IQCM: variants seen among roughly 807,000 people sequenced by gnomAD.
IQCM encodes IQ domain-containing protein M.
A neutral mutation model predicts 57.6 loss-of-function variants in IQCM; 45 were observed. That is an observed-to-expected ratio of 0.78 (90% CI 0.62 to 1.00). The LOEUF is 1.00. Among genes scored for constraint, IQCM ranks in the 50% least tolerant of loss-of-function variants. IQCM has a pLI of 0.00. For missense variants in IQCM, 468 were observed against 511.6 expected (o/e 0.91, Z 0.82); for synonymous variants, 148 against 158.9 (o/e 0.93, Z 0.51).
chr4:149,475,526 T>C (rs1055725036), intron 12 of IQCM, among the ~76,000 whole-genome samples: 4 of 152,014 alleles, frequency 2.6e-5, no homozygotes, highest in African/African-American at 9.7e-5. Flanking sequence ...ATATACAGCA[T>C]ATAAATGATA....
At chr4:149,441,047 G>A (rs749996063) in intron 12 of IQCM, among the ~76,000 whole-genome samples, 2 of 152,192 alleles carry the variant, frequency 1.3e-5, no homozygotes, top group South Asian at 4.1e-4. Flanking sequence ...CTAGTTAAAA[G>A]AGACACAATA....
chr4:149,591,776 A>G (rs1753203181), intron 8 of IQCM, among the ~76,000 whole-genome samples: 2 of 152,288 alleles, frequency 1.3e-5, no homozygotes, highest in African/African-American at 2.4e-5. Context: ...TATAAAGGAC[A>G]TGAACTCATC....
chr4:149,638,401 A>G lies in IQCM; in HGVS notation c.566-17157T>C, dbSNP rs115959484. ...CTATGCTATGATCCAGCAATTGCAC[A>G]GCCAGGTATTAAAAAAATGAATACA... On this transcript the variant is annotated intron_variant, in intron 7 of 13. Coordinates refer to ENST00000636793, the MANE Select transcript of IQCM (RefSeq NM_001363507.2). 4.2e-3 allele frequency among the ~76,000 whole-genome samples: 634 copies of G among 152,240 alleles called. 11 individuals are homozygous for G. Among genetic ancestry groups the G allele is most frequent in the Middle Eastern group, 0.014 (4 of 294 alleles).
chr4:149,669,546 T>C (rs2150173943), intron 7 of IQCM, among the ~76,000 whole-genome samples: 1 of 152,306 alleles, frequency 6.6e-6, no homozygotes. Flanking sequence ...CATGAAGTCC[T>C]TGCCCATGCC....
At chr4:149,643,004 C>G (rs544703301) in intron 7 of IQCM, among the ~76,000 whole-genome samples, 2 of 151,630 alleles carry the variant, frequency 1.3e-5, no homozygotes, top group Non-Finnish European at 2.9e-5. Context: ...TCAGTACTGA[C>G]CTTTTTTAAA....
intron 12 of IQCM, among the ~76,000 whole-genome samples, chr4:149,503,658 A>G (rs1227422645): frequency 1.3e-5 from 2 of 152,126 alleles, no homozygotes; most frequent in Admixed American, 6.5e-5. Context: ...ATGCCAGTGA[A>G]CCACAGGAAA....
At chr4:149,453,818 A>G (rs573018921) in intron 12 of IQCM, among the ~76,000 whole-genome samples, 2 of 152,006 alleles carry the variant, frequency 1.3e-5, no homozygotes, top group South Asian at 2.1e-4. Flanking sequence ...TCGGTTCTTC[A>G]GTATGCTAAA....
At chr4:149,501,110 TC>T (rs564786668) in intron 12 of IQCM, among the ~76,000 whole-genome samples, 1 of 152,322 alleles carries the variant, frequency 6.6e-6, no homozygotes, top group African/African-American at 2.4e-5. Flanking sequence ...TGCGGTTACT[TC>T]CCTCTTCAGT....
At chr4:149,571,238 A>T (rs1006400945) in intron 9 of IQCM, among the ~76,000 whole-genome samples, 1 of 152,128 alleles carries the variant, frequency 6.6e-6, no homozygotes, top group African/African-American at 2.4e-5. Context: ...TATGGAATCA[A>T]CCTAAGTGTT....
chr4:149,682,535 T>C (rs892648588), intron 6 of IQCM, among the ~76,000 whole-genome samples: 10 of 151,100 alleles, frequency 6.6e-5, no homozygotes, highest in South Asian at 2.1e-4. Flanking sequence ...TTGAGTAGCA[T>C]GTTTTCCTAA....
chr4:149,564,667 T>C (rs1750440745), intron 9 of IQCM, among the ~76,000 whole-genome samples: 1 of 152,116 alleles, frequency 6.6e-6, no homozygotes, highest in African/African-American at 2.4e-5. Flanking sequence ...TAGGCTATAT[T>C]TTTCTTCCGT....
chr4:149,734,211 C>T (rs532072153), intron 4 of IQCM, among the ~76,000 whole-genome samples: 1 of 152,232 alleles, frequency 6.6e-6, no homozygotes, highest in East Asian at 1.9e-4. Flanking sequence ...CAAATTGTTG[C>T]TGACTCAAAA....
chr4:149,398,129 C>T (rs1732359206), intron 13 of IQCM, among the ~76,000 whole-genome samples: 1 of 151,920 alleles, frequency 6.6e-6, no homozygotes, highest in Non-Finnish European at 1.5e-5. Context: ...CCAGTTTTCC[C>T]AACACCTTTA....
intron 12 of IQCM, among the ~76,000 whole-genome samples, chr4:149,495,258 A>G (rs1332921650): frequency 1.3e-5 from 2 of 152,146 alleles, no homozygotes; most frequent in African/African-American, 2.4e-5. Flanking sequence ...ATCTACTGTG[A>G]CACAGAGACA....
intron 13 of IQCM, among the ~76,000 whole-genome samples, chr4:149,402,197 T>G (rs1440186296): frequency 1.3e-5 from 2 of 151,792 alleles, no homozygotes; most frequent in African/African-American, 4.8e-5. Flanking sequence ...TTCCACTGGC[T>G]CTCATTTTTC....
At chr4:149,664,360 T>C (rs1030876111) in intron 7 of IQCM, among the ~76,000 whole-genome samples, 9 of 152,142 alleles carry the variant, frequency 5.9e-5, no homozygotes, top group Non-Finnish European at 1.0e-4. Context: ...CATATGTCCC[T>C]GCTTTTTCAT....
chr4:149,522,265 C>A (rs1745731036), intron 12 of IQCM, among the ~76,000 whole-genome samples: 1 of 152,172 alleles, frequency 6.6e-6, no homozygotes, highest in African/African-American at 2.4e-5. Flanking sequence ...CAGATTGCCA[C>A]AGCTTAAAGT....
At chr4:149,670,178 G>C (rs989574165) in intron 7 of IQCM, among the ~76,000 whole-genome samples, 19 of 152,122 alleles carry the variant, frequency 1.2e-4, no homozygotes, top group Admixed American at 2.6e-4. Flanking sequence ...AGTTCTCCTT[G>C]AGGAGGTCCT....
At chr4:149,539,959 T>C (rs925440587) in intron 12 of IQCM, among the ~76,000 whole-genome samples, 4 of 152,186 alleles carry the variant, frequency 2.6e-5, no homozygotes, top group South Asian at 2.1e-4. Flanking sequence ...CCAGGTGTTA[T>C]AGACTGAATT....
Sources: allele counts gnomAD v4.1 joint callset (sites outside exome capture counted in the v4.1 genomes callset), GRCh38; gene constraint gnomAD v4.1.1; transcripts MANE v1.5; gene names NCBI Gene and HGNC (gene_info 2026-07-23, HGNC 2026-07-21).